SCAPER: variants seen among roughly 807,000 people sequenced by gnomAD.
SCAPER encodes S phase cyclin A-associated protein in the endoplasmic reticulum.
In SCAPER, 98 loss-of-function variants were observed where a neutral mutation model predicts 182.2. The observed-to-expected ratio is 0.54, with a 90% CI of 0.46 to 0.64. SCAPER has a LOEUF of 0.64. Ranked by LOEUF, SCAPER falls within the 30% of genes least tolerant of loss-of-function variation. SCAPER has a pLI of 0.00. For synonymous variants in SCAPER, 605 were observed against 564.6 expected, an observed-to-expected ratio of 1.07 and a Z score of -1.01; for missense variants, 1,432 against 1,690.0, an observed-to-expected ratio of 0.85 and a Z score of 2.68.
intron 20 of SCAPER, among the ~76,000 whole-genome samples, chr15:76,678,667 G>C (rs1461121091): frequency 6.6e-6 from 1 of 151,828 alleles, no homozygotes; most frequent in Non-Finnish European, 1.5e-5. Context: ...ACCTGGAAGA[G>C]AAAGAAGAAG....
rs1237834237 is a variant in SCAPER at position 76,494,237 on chromosome 15, A to G, written c.2954+10622T>C. Among the ~76,000 whole-genome samples, 3 of 152,312 alleles carry G rather than the reference A, an allele frequency of 2.0e-5. 1 individual carries two copies. The East Asian group carries it at 5.8e-4, about 29-fold the overall frequency. ...TTGCTGGCTGATCTGAGCCTTAAAG[A>G]GTGTTTATAGCACACAGAAATGTTG... On this transcript the variant is annotated intron_variant, in intron 24 of 31. Coordinates refer to ENST00000563290, the MANE Select transcript of SCAPER (RefSeq NM_020843.4).
intron 17 of SCAPER, among the ~76,000 whole-genome samples, chr15:76,717,160 A>C (rs963985236): frequency 1.5e-5 from 2 of 131,454 alleles, no homozygotes; most frequent in Admixed American, 7.6e-5. Context: ...AAAAAAAAAA[A>C]CCTGCCGGCT....
At chr15:76,597,025 G>C (rs145357358) in intron 22 of SCAPER, among the ~76,000 whole-genome samples, 1 of 121,720 alleles carries the variant, frequency 8.2e-6, no homozygotes, top group African/African-American at 2.5e-5. Context: ...AATTGTCTCT[G>C]TTTATAGATG....
chr15:76,795,363 T>C lies in SCAPER; in HGVS notation c.689A>G (p.His230Arg), dbSNP rs777491258. ...TTCTGAAGAAGCAGTAGAGCCTGTA[T>C]GATGAGCCTTTACCTTGTCAGCCCA... ...VSWADKVKAH[H>R]TGSTASSEIT... Residue 230 changes from histidine (H) to arginine (R), a missense_variant, in exon 8 of 32, where the codon CAT becomes CGT. His to Arg is a conservative substitution (Grantham distance 29). Around this residue, in one of 5 missense-constraint regions of SCAPER, gnomAD observed 480 missense variants for 510.2 expected, o/e 0.94. Coordinates refer to ENST00000563290, the MANE Select transcript of SCAPER (RefSeq NM_020843.4). The C allele has an allele frequency of 7.6e-5, 122 of 1,613,388 alleles. 1 individual carries two copies. The highest frequency in any genetic ancestry group is 8.0e-5 in the Non-Finnish European group (94 of 1,179,452).
At chr15:76,351,104 G>C (rs2040513457) in intron 31 of SCAPER, 133 bp downstream of exon 31, 4 of 653,586 alleles carry the variant, frequency 6.1e-6, no homozygotes, top group Non-Finnish European at 9.9e-6. Flanking sequence ...AAATATACTT[G>C]GTATCTGAAT....
chr15:76,701,910 T>C (rs773139551), intron 19 of SCAPER, 45 bp from the exon 20 acceptor site: 9 of 1,442,298 alleles, frequency 6.2e-6, no homozygotes, highest in African/African-American at 4.2e-5. Flanking sequence ...TAACATTATA[T>C]GAATTTTAAA....
At chr15:76,789,283 C>T (rs1408073779) in intron 8 of SCAPER, among the ~76,000 whole-genome samples, 2 of 151,936 alleles carry the variant, frequency 1.3e-5, no homozygotes, top group African/African-American at 2.4e-5. Flanking sequence ...ACCACACATA[C>T]CAAGAGGAAA....
At position 76,414,512 on chromosome 15, in the gene SCAPER, C is replaced by A. The variant is rs193050350; in HGVS notation, c.3312-9833G>T. On this transcript the variant is annotated intron_variant, in intron 26 of 31. Coordinates refer to ENST00000563290, the MANE Select transcript of SCAPER (RefSeq NM_020843.4). ...AGGGGAAAAATGACATAAATGAAGG[C>A]TGATTTTTTATAAGAAACGATGGAA... Among the ~76,000 whole-genome samples the A allele has an allele frequency of 4.0e-5, 6 of 150,390 alleles. No homozygotes were observed. In the East Asian group the frequency reaches 5.8e-4, roughly 15 times the overall value.
intron 4 of SCAPER, among the ~76,000 whole-genome samples, chr15:76,852,278 G>A (rs553823175): frequency 1.8e-4 from 28 of 152,156 alleles, no homozygotes; most frequent in Non-Finnish European, 3.2e-4. Flanking sequence ...GTGTTAGATC[G>A]TCAAGACAGA....
intron 15 of SCAPER, among the ~76,000 whole-genome samples, chr15:76,741,063 AAC>A (rs1402887301): frequency 1.3e-5 from 2 of 152,144 alleles, no homozygotes; most frequent in Non-Finnish European, 2.9e-5. Context: ...TCTTGTGATT[AAC>A]ACGATAAACT....
At chr15:76,395,675 C>T (rs958411396) in intron 27 of SCAPER, among the ~76,000 whole-genome samples, 18 of 152,204 alleles carry the variant, frequency 1.2e-4, no homozygotes, top group South Asian at 4.1e-4. Flanking sequence ...TCAGATCTTT[C>T]GCCCATTTAA....
At chr15:76,489,648 A>G (rs1465603140) in intron 24 of SCAPER, among the ~76,000 whole-genome samples, 1 of 151,558 alleles carries the variant, frequency 6.6e-6, no homozygotes, top group African/African-American at 2.4e-5. Context: ...TATTGTGGTA[A>G]AAACACTTAA....
chr15:76,529,040 T>G (rs1482146323), intron 23 of SCAPER, among the ~76,000 whole-genome samples: 1 of 152,246 alleles, frequency 6.6e-6, no homozygotes, highest in African/African-American at 2.4e-5. Flanking sequence ...TGTGCTCTTA[T>G]AGAACTTTGT....
intron 20 of SCAPER, among the ~76,000 whole-genome samples, chr15:76,667,811 G>C (rs994088295): frequency 2.0e-5 from 3 of 151,442 alleles, no homozygotes; most frequent in African/African-American, 7.3e-5. Context: ...AAATTAGCCG[G>C]GCATGGTGGT....
chr15:76,497,124 T>TTTTTTTTTTA (rs1555456895), intron 24 of SCAPER, among the ~76,000 whole-genome samples: 1 of 139,490 alleles, frequency 7.2e-6, no homozygotes, highest in African/African-American at 2.8e-5. Context: ...TTTTTTTTTT[T>TTTTTTTTTTA]CCCAAAACGG....
At chr15:76,360,057 A>G (rs1041912221) in intron 29 of SCAPER, among the ~76,000 whole-genome samples, 1 of 152,164 alleles carries the variant, frequency 6.6e-6, no homozygotes, top group African/African-American at 2.4e-5. Context: ...GCTGTCTCTT[A>G]CCCTAGAAGG....
intron 26 of SCAPER, among the ~76,000 whole-genome samples, chr15:76,424,007 T>A (rs2046241912): frequency 6.6e-6 from 1 of 152,248 alleles, no homozygotes; most frequent in African/African-American, 2.4e-5. Flanking sequence ...ATTTCTGTTC[T>A]TCTACATTTG....
At chr15:76,367,159 A>T (rs2041868252) in intron 29 of SCAPER, among the ~76,000 whole-genome samples, 1 of 152,232 alleles carries the variant, frequency 6.6e-6, no homozygotes, top group Non-Finnish European at 1.5e-5. Context: ...TACAGACAGG[A>T]AACTAAAGCT....
At chr15:76,591,304 G>A (rs2049090347) in intron 22 of SCAPER, among the ~76,000 whole-genome samples, 1 of 152,152 alleles carries the variant, frequency 6.6e-6, no homozygotes, top group South Asian at 2.1e-4. Flanking sequence ...TGCACGCCCA[G>A]GAGGACAGTT....
Sources: allele counts gnomAD v4.1 joint callset (sites outside exome capture counted in the v4.1 genomes callset), GRCh38; gene constraint gnomAD v4.1.1; regional missense constraint gnomAD v4.1.1; transcripts MANE v1.5; gene names NCBI Gene and HGNC (gene_info 2026-07-23, HGNC 2026-07-21).